GOLM1: variants seen among roughly 807,000 people sequenced by gnomAD.
GOLM1 encodes the protein golgi membrane protein 1, also known as epididymis luminal protein 46.
GOLM1 carries 31 observed loss-of-function variants against 50.5 expected under a neutral mutation model. The ratio of observed to expected loss-of-function variants is 0.61; its 90% CI spans 0.46 to 0.83. The LOEUF is 0.83. Ranked by LOEUF, GOLM1 falls within the 40% of genes least tolerant of loss-of-function variation. The pLI is 0.00. For synonymous variants in GOLM1, 178 were observed against 192.8 expected (o/e 0.92, Z 0.64); for missense variants, 491 against 501.3 (o/e 0.98, Z 0.20).
At chr9:86,083,696 G>A (rs186630289) in intron 1 of GOLM1, among the ~76,000 whole-genome samples, 2 of 152,300 alleles carry the variant, frequency 1.3e-5, no homozygotes, top group South Asian at 2.1e-4. Flanking sequence ...CCAGGCTTAA[G>A]TACATTTTGA....
chr9:86,035,346 G>A (rs1336584528), intron 8 of GOLM1, 22 bp downstream of exon 8: 1 of 1,608,480 alleles, frequency 6.2e-7, no homozygotes, highest in Non-Finnish European at 8.5e-7. Flanking sequence ...GTCCACAGCG[G>A]CCCCCGAAAC....
chr9:86,028,888 A>G (rs1217499681), intron 9 of GOLM1, among the ~76,000 whole-genome samples: 2 of 126,148 alleles, frequency 1.6e-5, no homozygotes, highest in African/African-American at 3.1e-5. Context: ...TGGCTCTATC[A>G]CCCAGGCTGG....
chr9:86,096,034 A>G (rs1835346556), intron 1 of GOLM1, among the ~76,000 whole-genome samples: 1 of 152,178 alleles, frequency 6.6e-6, no homozygotes, highest in South Asian at 2.1e-4. Flanking sequence ...AATCCTTGTA[A>G]AAGTCCATTG....
intron 8 of GOLM1, among the ~76,000 whole-genome samples, chr9:86,034,081 C>T (rs965331184): frequency 2.6e-5 from 4 of 151,824 alleles, no homozygotes; most frequent in African/African-American, 9.7e-5. Context: ...TCTCCTGCCT[C>T]AGCCTCCCGA....
At position 86,027,843 on chromosome 9, in the gene GOLM1, G is replaced by A. The variant is rs757124403; in HGVS notation, c.1180C>T (p.Arg394Cys). 20 of 1,612,268 alleles carry A rather than the reference G, an allele frequency of 1.2e-5. 1 individual carries two copies. Among genetic ancestry groups the A allele is most frequent in the African/African-American group, 2.7e-5 (2 of 74,970 alleles). Reference sequence around the variant, plus strand: ...CAGAGTGTATGATTCCGCTTTTCACGCTGATCAAGTAAATTTATGGTGTCT... The same window carrying A: ...CAGAGTGTATGATTCCGCTTTTCACACTGATCAAGTAAATTTATGGTGTCT... ...KRDTINLLDQ[R>C]EKRNHTL is the part of the protein sequence containing the mutation. The change falls in exon 10 of 10, where the codon CGT becomes TGT. Residue 394 changes from arginine (R) to cysteine (C), a missense_variant. Physicochemically the swap from Arg to Cys is radical, Grantham distance 180. Transcript: ENST00000388712.
intron 1 of GOLM1, among the ~76,000 whole-genome samples, chr9:86,084,275 T>C (rs1346246898): frequency 1.3e-5 from 2 of 152,216 alleles, no homozygotes; most frequent in Non-Finnish European, 2.9e-5. Context: ...TCCAAAATAG[T>C]TGGCAAATTA....
At chr9:86,040,005 CAT>C (rs201379386) in intron 6 of GOLM1, among the ~76,000 whole-genome samples, 3 of 150,752 alleles carry the variant, frequency 2.0e-5, no homozygotes, top group African/African-American at 4.9e-5. Context: ...AAAGGCCACA[CAT>C]ATATGATTCT....
intron 3 of GOLM1, among the ~76,000 whole-genome samples, chr9:86,055,461 C>T (rs767385683): frequency 2.6e-5 from 4 of 152,164 alleles, no homozygotes; most frequent in African/African-American, 7.2e-5. Context: ...GCATTTAAAG[C>T]AGGATCCCTA....
chr9:86,069,350 G>C (rs917814859), intron 3 of GOLM1, among the ~76,000 whole-genome samples: 2 of 152,174 alleles, frequency 1.3e-5, no homozygotes, highest in African/African-American at 4.8e-5. Flanking sequence ...GAAGTGTGGT[G>C]CTTCTACTAA....
chr9:86,094,727 C>T (rs183037440), intron 1 of GOLM1, among the ~76,000 whole-genome samples: 158 of 152,192 alleles, frequency 1.0e-3, no homozygotes, highest in Non-Finnish European at 1.7e-3. Flanking sequence ...CCCAGGAATT[C>T]GAGACCAGAT....
At chr9:86,049,256 C>G (rs187508278) in intron 4 of GOLM1, among the ~76,000 whole-genome samples, 36 of 152,300 alleles carry the variant, frequency 2.4e-4, no homozygotes, top group African/African-American at 7.0e-4. Flanking sequence ...CAGTACCATG[C>G]TGCTTTGGTT....
At chr9:86,053,705 TACCCCACCGCA>T (rs1227646180) in intron 3 of GOLM1, among the ~76,000 whole-genome samples, 7 of 804 alleles carry the variant, frequency 8.7e-3, no homozygotes, top group Non-Finnish European at 0.013. Flanking sequence ...ACACATCACA[TACCCCACCGCA>T]TCACAGACTG....
chr9:86,059,950 A>G (rs1208335404), intron 3 of GOLM1, among the ~76,000 whole-genome samples: 1 of 151,144 alleles, frequency 6.6e-6, no homozygotes, highest in Non-Finnish European at 1.5e-5. Flanking sequence ...TTATAGTTGC[A>G]TGGCATTGTG....
At chr9:86,052,612 C>T in intron 3 of GOLM1, 21 bp from the exon 4 acceptor site, 1 of 1,609,162 alleles carries the variant, frequency 6.2e-7, no homozygotes, top group East Asian at 2.2e-5. Flanking sequence ...GATAAACTCG[C>T]ATGAAACACC....
intron 1 of GOLM1, among the ~76,000 whole-genome samples, chr9:86,098,168 T>C (rs1367447066): frequency 6.6e-6 from 1 of 152,230 alleles, no homozygotes; most frequent in Non-Finnish European, 1.5e-5. Context: ...AACAATTCAA[T>C]TTTTGTTCAC....
intron 6 of GOLM1, among the ~76,000 whole-genome samples, chr9:86,037,077 T>G (rs1833170159): frequency 6.6e-6 from 1 of 152,228 alleles, no homozygotes; most frequent in African/African-American, 2.4e-5. Context: ...AACACACTCC[T>G]AAATAACCAG....
At chr9:86,084,249 G>C (rs1042648179) in intron 1 of GOLM1, among the ~76,000 whole-genome samples, 7 of 152,146 alleles carry the variant, frequency 4.6e-5, no homozygotes, top group Non-Finnish European at 8.8e-5. Context: ...TTTTAATATT[G>C]ATAGAGCTTC....
At chr9:86,094,252 G>A (rs1835281718) in intron 1 of GOLM1, among the ~76,000 whole-genome samples, 2 of 152,052 alleles carry the variant, frequency 1.3e-5, no homozygotes, top group Admixed American at 6.6e-5. Context: ...GAAAAGTTGA[G>A]ACAGAGACAG....
At chr9:86,060,876 CAAAAAAAAAAAAAAAAAAAAAAAAA>C (rs753183065) in intron 3 of GOLM1, among the ~76,000 whole-genome samples, 25 of 19,912 alleles carry the variant, frequency 1.3e-3, no homozygotes, top group South Asian at 8.1e-3. Context: ...GAAACTCTCT[CAAAAAAAAAAAAAAAAAAAAAAAAA>C]AAAAAAAAAA....
Sources: gnomAD v4.1 joint callset for allele counts (sites outside exome capture counted in the v4.1 genomes callset) on GRCh38, gnomAD v4.1.1 for gene constraint, MANE v1.5 for transcripts, NCBI Gene and HGNC (gene_info 2026-07-23, HGNC 2026-07-21) for gene names.